SLC2A9: variants seen among roughly 807,000 people sequenced by gnomAD.
The protein encoded by SLC2A9 is solute carrier family 2, facilitated glucose transporter member 9.
Under a neutral mutation model 50.6 loss-of-function variants are expected in SLC2A9, and 39 were observed. The observed-to-expected ratio is 0.77, with a 90% CI of 0.60 to 1.01. The LOEUF (loss-of-function observed/expected upper bound fraction) is 1.01, where lower values mean the gene tolerates loss of function less well. Ranked by LOEUF, SLC2A9 falls within the 50% of genes least tolerant of loss-of-function variation. SLC2A9 has a pLI of 0.00. For missense variants in SLC2A9, 686 were observed against 677.6 expected, an observed-to-expected ratio of 1.01 and a Z score of -0.14; for synonymous variants, 324 against 276.9, an observed-to-expected ratio of 1.17 and a Z score of -1.69.
chr4:9,959,233 A>T (rs80289929), intron 5 of SLC2A9, among the ~76,000 whole-genome samples: 6 of 151,384 alleles, frequency 4.0e-5, no homozygotes, highest in Non-Finnish European at 5.9e-5. Context: ...AAAAAAAAAA[A>T]ATACAAAAAT....
rs1264369899 is a variant in SLC2A9, at chr4:9,783,290, G to A, written n.386-3225C>T. ...CATGATGCCCAACGCCGTTACCCCC[G>A]GCAACCGGGAGGTGGACAACGACGA... On this transcript the variant is annotated intron_variant and non_coding_transcript_variant, in intron 3 of 3. Transcript: ENST00000503803. 3 of 1,614,066 alleles carry A rather than the reference G, an allele frequency of 1.9e-6. No individual in the cohort carries two copies. The highest frequency in any genetic ancestry group is 1.6e-4 in the Middle Eastern group (1 of 6,084).
intron 5 of SLC2A9, among the ~76,000 whole-genome samples, chr4:9,955,449 T>C (rs1751061851): frequency 2.4e-5 from 1 of 41,694 alleles, no homozygotes; most frequent in Non-Finnish European, 4.5e-5. Context: ...GAGCCGAGAT[T>C]GCGCCACTGC....
chr4:9,802,476 G>A (rs984493476), intron 3 of SLC2A9, among the ~76,000 whole-genome samples: 10 of 151,912 alleles, frequency 6.6e-5, no homozygotes, highest in African/African-American at 2.4e-4. Flanking sequence ...AAGGGACTGG[G>A]TGAATCTCCA....
intron 5 of SLC2A9, among the ~76,000 whole-genome samples, chr4:9,951,275 G>A (rs1750204903): frequency 6.6e-6 from 1 of 152,030 alleles, no homozygotes; most frequent in African/African-American, 2.4e-5. Flanking sequence ...TCACTTATAT[G>A]TGGAAGCTAA....
At chr4:9,788,521 A>G (rs1486484860) in intron 3 of SLC2A9, among the ~76,000 whole-genome samples, 1 of 151,980 alleles carries the variant, frequency 6.6e-6, no homozygotes, top group Non-Finnish European at 1.5e-5. Flanking sequence ...ATAGGTTATA[A>G]TCTTTTACTT....
intron 5 of SLC2A9, among the ~76,000 whole-genome samples, chr4:9,950,005 G>A (rs1749928980): frequency 6.6e-6 from 1 of 152,110 alleles, no homozygotes; most frequent in African/African-American, 2.4e-5. Context: ...GGACCCTGCT[G>A]GCCACAGCTT....
At chr4:9,828,667 G>C (rs184168478) in intron 11 of SLC2A9, among the ~76,000 whole-genome samples, 2 of 152,248 alleles carry the variant, frequency 1.3e-5, no homozygotes, top group Non-Finnish European at 2.9e-5. Context: ...TGTATATCCT[G>C]CTTTCTTACT....
chr4:9,950,964 C>T (rs7376155), intron 5 of SLC2A9, among the ~76,000 whole-genome samples: 70,115 of 145,342 alleles, frequency 0.48, 18,821 homozygotes, highest in African/African-American at 0.68. Context: ...ATACAATTAC[C>T]ATTCAATCCA....
intron 1 of SLC2A9, among the ~76,000 whole-genome samples, chr4:9,773,992 C>CTTTT (rs34429694): frequency 7.2e-6 from 1 of 139,782 alleles, no homozygotes; most frequent in East Asian, 2.1e-4. Context: ...GAAACTCAGT[C>CTTTT]TTTTTTTTTT....
At chr4:9,827,143 C>A (rs887427879) in intron 11 of SLC2A9, among the ~76,000 whole-genome samples, 1 of 152,220 alleles carries the variant, frequency 6.6e-6, no homozygotes, top group African/African-American at 2.4e-5. Context: ...TAGAAATGCT[C>A]AATGCAATCA....
chr4:9,996,203 C>A (rs1317714153), intron 3 of SLC2A9, among the ~76,000 whole-genome samples: 1 of 152,228 alleles, frequency 6.6e-6, no homozygotes, highest in Non-Finnish European at 1.5e-5. Context: ...AAATGTCTCT[C>A]AGTCAGGGAG....
At chr4:9,778,277 G>A (rs1050655557), downstream of SLC2A9, among the ~76,000 whole-genome samples, 14 of 151,790 alleles carry the variant, frequency 9.2e-5, no homozygotes, top group South Asian at 2.1e-4. Flanking sequence ...ATCCCACCAC[G>A]CCTGGCTAAT....
At chr4:10,007,276 G>GT (rs1477401055) in intron 2 of SLC2A9, among the ~76,000 whole-genome samples, 5 of 152,216 alleles carry the variant, frequency 3.3e-5, no homozygotes, top group Non-Finnish European at 7.3e-5. Flanking sequence ...GGTTTGTGGT[G>GT]TTTTTTCCTC....
At chr4:9,787,575 C>T (rs951887385) in intron 3 of SLC2A9, among the ~76,000 whole-genome samples, 2 of 152,236 alleles carry the variant, frequency 1.3e-5, no homozygotes, top group African/African-American at 4.8e-5. Flanking sequence ...ATTCTCTCAT[C>T]TCATCTACAG....
chr4:9,804,190 A>T (rs1721830993), intron 3 of SLC2A9, among the ~76,000 whole-genome samples: 3 of 152,242 alleles, frequency 2.0e-5, no homozygotes. Context: ...ACCTGGTGTC[A>T]TGAAAGCTTT....
chr4:9,962,699 G>C (rs538365208), intron 5 of SLC2A9, among the ~76,000 whole-genome samples: 1 of 152,164 alleles, frequency 6.6e-6, no homozygotes, highest in East Asian at 1.9e-4. Flanking sequence ...CACACCCTGC[G>C]CATATACCCC....
At chr4:9,983,807 C>T (rs917961057) in intron 4 of SLC2A9, among the ~76,000 whole-genome samples, 2 of 152,190 alleles carry the variant, frequency 1.3e-5, no homozygotes, top group Non-Finnish European at 1.5e-5. Flanking sequence ...GCTTAAGTTT[C>T]GGGGTTTTTA....
intron 6 of SLC2A9, among the ~76,000 whole-genome samples, chr4:9,940,060 C>G (rs1179837057): frequency 6.6e-6 from 1 of 152,248 alleles, no homozygotes; most frequent in Non-Finnish European, 1.5e-5. Context: ...CTGGCATTGA[C>G]ATGCACTATT....
chr4:9,920,677 A>G (rs1240502711), intron 6 of SLC2A9, 105 bp from the exon 7 acceptor site: 1 of 1,369,006 alleles, frequency 7.3e-7, no homozygotes, highest in East Asian at 2.4e-5. Context: ...CACACACCTT[A>G]GCTGGGGGCG....
Sources: gnomAD v4.1 joint callset for allele counts (sites outside exome capture counted in the v4.1 genomes callset) on GRCh38, gnomAD v4.1.1 for gene constraint, MANE v1.5 for transcripts, NCBI Gene and HGNC (gene_info 2026-07-23, HGNC 2026-07-21) for gene names.